The following DPP6 variants were observed in gnomAD, a reference collection of about 807,000 sequenced individuals.
The protein encoded by DPP6 is dipeptidyl peptidase like 6, also known as A-type potassium channel modulatory protein DPP6.
Under a neutral mutation model 122.6 loss-of-function variants are expected in DPP6, and 69 were observed. That is an observed-to-expected ratio of 0.56 (90% confidence interval 0.46 to 0.69). DPP6 has a LOEUF of 0.69. DPP6 is among the 30% of genes least tolerant of loss of function. The probability of loss-of-function intolerance (pLI) is 0.00; values close to 1 mark genes in which losing one functional copy is unlikely to be tolerated. For missense variants in DPP6, 928 were observed against 1,116.9 expected, an observed-to-expected ratio of 0.83 and a Z score of 2.41; for synonymous variants, 418 against 433.1, an observed-to-expected ratio of 0.97 and a Z score of 0.43.
At chr7:154,731,798 T>C (rs940109340) in intron 8 of DPP6, among the ~76,000 whole-genome samples, 1 of 152,232 alleles carries the variant, frequency 6.6e-6, no homozygotes, top group African/African-American at 2.4e-5. Context: ...TGTTTATTCA[T>C]AAACTAAACG....
At chr7:153,786,740 G>GAAAAAAAAAAAAAAAAAA in the DPP6 span, among the ~76,000 whole-genome samples, 1 of 31,782 alleles carries the variant, frequency 3.1e-5, no homozygotes, top group Non-Finnish European at 6.4e-5. Context: ...CTCCGTCTCA[G>GAAAAAAAAAAAAAAAAAA]AAAAAAAAAA....
At chr7:154,144,072 T>C (rs1309442004) in intron 1 of DPP6, among the ~76,000 whole-genome samples, 7 of 151,902 alleles carry the variant, frequency 4.6e-5, no homozygotes, top group Non-Finnish European at 1.0e-4. Context: ...CAAGGCTTTA[T>C]CATTCTTTTT....
At chr7:153,974,368 G>C (rs1391394728) in intron 1 of DPP6, among the ~76,000 whole-genome samples, 1 of 152,140 alleles carries the variant, frequency 6.6e-6, no homozygotes, top group Admixed American at 6.6e-5. Flanking sequence ...TATTTTCAGA[G>C]ATTTAGTTCC....
intron 17 of DPP6, among the ~76,000 whole-genome samples, chr7:154,854,405 A>G (rs925368164): frequency 2.0e-5 from 3 of 152,196 alleles, no homozygotes; most frequent in Non-Finnish European, 2.9e-5. Flanking sequence ...GACCAGAGAA[A>G]GGGGTCCGTG....
intron 1 of DPP6, among the ~76,000 whole-genome samples, chr7:154,366,481 C>T (rs1812200628): frequency 6.6e-6 from 1 of 152,146 alleles, no homozygotes; most frequent in Non-Finnish European, 1.5e-5. Context: ...TCTCAGCTTC[C>T]GCTGCACGGG....
At chr7:154,078,439 A>G (rs1803729950) in intron 1 of DPP6, among the ~76,000 whole-genome samples, 1 of 152,092 alleles carries the variant, frequency 6.6e-6, no homozygotes, top group Non-Finnish European at 1.5e-5. Flanking sequence ...TTGAAGATGA[A>G]GCAAGATTCC....
chr7:153,938,030 G>A (rs1443997366), intron 1 of DPP6, among the ~76,000 whole-genome samples: 1 of 152,194 alleles, frequency 6.6e-6, no homozygotes, highest in Middle Eastern at 3.2e-3. Context: ...GAGAACCTCT[G>A]AGACAGGGGC....
At chr7:153,876,001 T>C in the DPP6 span, among the ~76,000 whole-genome samples, 1 of 149,562 alleles carries the variant, frequency 6.7e-6, no homozygotes, top group African/African-American at 2.5e-5. Context: ...AATTGGCATA[T>C]ATAATTTTGC....
intron 7 of DPP6, among the ~76,000 whole-genome samples, 155 bp from the exon 8 acceptor site, chr7:154,727,610 TGG>T (rs1378340689): frequency 6.6e-6 from 1 of 152,200 alleles, no homozygotes; most frequent in Non-Finnish European, 1.5e-5. Context: ...CTGTTCGAGG[TGG>T]GTAGACCTCC....
chr7:154,372,649 C>T (rs1347039612), intron 1 of DPP6, among the ~76,000 whole-genome samples: 1 of 152,190 alleles, frequency 6.6e-6, no homozygotes, highest in African/African-American at 2.4e-5. Context: ...CATTAGTTGA[C>T]ATGCTCAAAA....
chr7:154,141,462 C>T (rs1268119063), intron 1 of DPP6, among the ~76,000 whole-genome samples: 4 of 152,172 alleles, frequency 2.6e-5, no homozygotes, highest in African/African-American at 9.7e-5. Flanking sequence ...TATCTGATCA[C>T]CTTGCATTGT....
intron 1 of DPP6, among the ~76,000 whole-genome samples, chr7:154,278,835 A>C (rs1037833111): frequency 2.7e-5 from 4 of 149,826 alleles, no homozygotes; most frequent in Non-Finnish European, 5.9e-5. Flanking sequence ...CATGTGTGGG[A>C]GTGGGGATGC....
intron 11 of DPP6, 74 bp downstream of exon 11, chr7:154,794,276 A>G (rs1256603824): frequency 1.4e-6 from 2 of 1,479,170 alleles, no homozygotes; most frequent in East Asian, 2.5e-5. Context: ...GTGGCGCCAG[A>G]GTCGTCTCAG....
chr7:153,887,670 G>T, exon 1 of DPP6: 2 of 1,613,822 alleles, frequency 1.2e-6, no homozygotes, highest in Non-Finnish European at 1.7e-6. Context: ...AGTCGGGTTC[G>T]GACTTGGGGC....
chr7:154,391,137 CG>C (rs1377517161), intron 1 of DPP6, among the ~76,000 whole-genome samples: 1 of 152,194 alleles, frequency 6.6e-6, no homozygotes, highest in Non-Finnish European at 1.5e-5. Context: ...CTGTCCGCCG[CG>C]CGGCATCCGT....
chr7:154,770,159 A>T (rs1451441787), intron 9 of DPP6, among the ~76,000 whole-genome samples: 1 of 152,196 alleles, frequency 6.6e-6, no homozygotes, highest in Non-Finnish European at 1.5e-5. Context: ...TGATTAAGAC[A>T]TACCCAAGAC....
intron 1 of DPP6, among the ~76,000 whole-genome samples, chr7:154,169,845 C>T (rs944204184): frequency 2.6e-5 from 4 of 152,130 alleles, no homozygotes; most frequent in African/African-American, 4.8e-5. Context: ...ATTTTCCTGC[C>T]TCAGCCTCCC....
rs1407012431 is a variant in DPP6 at position 154,637,892 on chromosome 7, T to G, written c.680+19T>G. 6.4e-7 allele frequency: 1 copy of G among 1,559,472 alleles called. No homozygotes were observed. The highest frequency in any genetic ancestry group is 2.3e-5 in the East Asian group (1 of 42,648). On this transcript the variant is annotated intron_variant, in intron 6 of 25. Coordinates refer to ENST00000377770, the MANE Select transcript of DPP6 (RefSeq NM_130797.4). The stretch of plus-strand genomic sequence containing the variant: ...CTCATGGGTAAGAGTGTTCTTTTCT[T>G]TCTTTTAATTAGAAATATGCAGGGC...
At chr7:153,807,325 C>CCAGGGAGGTGGAGGTTG in the DPP6 span, among the ~76,000 whole-genome samples, 1 of 151,646 alleles carries the variant, frequency 6.6e-6, no homozygotes, top group Non-Finnish European at 1.5e-5. Flanking sequence ...ATCGCTTGAA[C>CCAGGGAGGTGGAGGTTG]CAGGGAGGTG....
Sources: allele counts gnomAD v4.1 joint callset (sites outside exome capture counted in the v4.1 genomes callset), GRCh38; gene constraint gnomAD v4.1.1; transcripts MANE v1.5; gene names NCBI Gene and HGNC (gene_info 2026-07-23, HGNC 2026-07-21).